CSGALNACT1: variants seen among roughly 807,000 people sequenced by gnomAD.
CSGALNACT1 encodes beta4GalNAcT-1.
Under a neutral mutation model 51.0 loss-of-function variants are expected in CSGALNACT1, and 52 were observed. The ratio of observed to expected loss-of-function variants is 1.02; its 90% CI spans 0.82 to 1.29. The LOEUF is 1.29. Among genes scored for constraint, CSGALNACT1 ranks in the 50% most tolerant of loss-of-function variants. The probability of loss-of-function intolerance (pLI) is 0.00; values close to 1 mark genes in which losing one functional copy is unlikely to be tolerated. For synonymous variants in CSGALNACT1, 341 were observed against 254.4 expected (o/e 1.34, Z -3.24); for missense variants, 935 against 679.2 (o/e 1.38, Z -4.19).
intron 1 of CSGALNACT1, among the ~76,000 whole-genome samples, chr8:19,739,264 A>T (rs2064165740): frequency 6.6e-6 from 1 of 152,022 alleles, no homozygotes; most frequent in South Asian, 2.1e-4. Context: ...GTGATTCAGA[A>T]AATAGAACGT....
Position 19,423,677 on chromosome 8 carries a change from C to T in CSGALNACT1, c.954-3159G>A, listed in dbSNP as rs143713250. 1.9e-3 allele frequency among the ~76,000 whole-genome samples: 294 copies of T among 152,086 alleles called. 2 individuals are homozygous for T. Among genetic ancestry groups the T allele is most frequent in the African/African-American group, 6.8e-3 (282 of 41,470 alleles). ...TTTTTTAAGCCTTAAAATGTAAATC[C>T]CTATGCTTCCATGATGTGTTGCTTC... On this transcript the variant is annotated intron_variant, in intron 6 of 9. Coordinates refer to ENST00000454498, the Ensembl canonical transcript of CSGALNACT1.
chr8:19,737,089 T>C (rs922101757), intron 1 of CSGALNACT1, among the ~76,000 whole-genome samples: 1 of 152,170 alleles, frequency 6.6e-6, no homozygotes, highest in African/African-American at 2.4e-5. Flanking sequence ...TTAAATACTA[T>C]ATTTTAAGTA....
intron 3 of CSGALNACT1, among the ~76,000 whole-genome samples, chr8:19,562,448 C>T (rs1210034662): frequency 6.7e-6 from 1 of 149,318 alleles, no homozygotes; most frequent in African/African-American, 2.5e-5. Flanking sequence ...AAAGCAAAAA[C>T]TGACAAATGG....
At chr8:19,619,420 G>T (rs987572197) in intron 1 of CSGALNACT1, among the ~76,000 whole-genome samples, 1 of 152,100 alleles carries the variant, frequency 6.6e-6, no homozygotes. Flanking sequence ...CATGTCCTAA[G>T]TGCAATGGAG....
intron 6 of CSGALNACT1, among the ~76,000 whole-genome samples, chr8:19,435,462 C>T (rs2060238744): frequency 6.7e-6 from 1 of 148,680 alleles, no homozygotes; most frequent in Admixed American, 6.7e-5. Flanking sequence ...CACTGCACTC[C>T]AGCCTGGTAA....
At chr8:19,690,560 AT>A (rs1396443885) in intron 1 of CSGALNACT1, among the ~76,000 whole-genome samples, 1 of 152,184 alleles carries the variant, frequency 6.6e-6, no homozygotes, top group Admixed American at 6.5e-5. Flanking sequence ...TATAAAACAG[AT>A]TTTTTTCCTC....
chr8:19,708,827 C>T (rs1486154620), intron 1 of CSGALNACT1, among the ~76,000 whole-genome samples: 4 of 152,224 alleles, frequency 2.6e-5, no homozygotes, highest in African/African-American at 9.6e-5. Context: ...GGTGAGTGCT[C>T]CCTATTCCTG....
At chr8:19,429,633 G>T (rs1225744088) in intron 6 of CSGALNACT1, among the ~76,000 whole-genome samples, 1 of 152,228 alleles carries the variant, frequency 6.6e-6, no homozygotes, top group Admixed American at 6.5e-5. Context: ...TCAGCTGATA[G>T]ATATTTGAGT....
exon 2 of CSGALNACT1, chr8:19,601,784 A>C (rs1359177237): frequency 2.2e-6 from 1 of 453,612 alleles, no homozygotes; most frequent in Non-Finnish European, 4.4e-6. Context: ...GGGGTTCAAG[A>C]AGGGAAGGTT....
chr8:19,671,816 G>A (rs756687360), intron 1 of CSGALNACT1, among the ~76,000 whole-genome samples: 4 of 152,080 alleles, frequency 2.6e-5, no homozygotes, highest in Non-Finnish European at 4.4e-5. Flanking sequence ...AGATCCTACT[G>A]TTTTATTGGC....
intron 3 of CSGALNACT1, among the ~76,000 whole-genome samples, chr8:19,511,787 A>G (rs1343572830): frequency 6.6e-6 from 1 of 152,242 alleles, no homozygotes; most frequent in Non-Finnish European, 1.5e-5. Context: ...ATTGACTCAC[A>G]GTTCCACAGC....
intron 3 of CSGALNACT1, among the ~76,000 whole-genome samples, chr8:19,558,452 G>A (rs757080457): frequency 1.3e-4 from 20 of 152,158 alleles, no homozygotes; most frequent in Admixed American, 5.2e-4. Flanking sequence ...AGTTGAGAAA[G>A]TTATACTATT....
At chr8:19,433,089 G>A (rs1298673251) in intron 6 of CSGALNACT1, among the ~76,000 whole-genome samples, 2 of 151,958 alleles carry the variant, frequency 1.3e-5, no homozygotes, top group East Asian at 3.9e-4. Context: ...GTTTTTTGTT[G>A]TTTGTTTAGT....
At chr8:19,688,706 C>G (rs1028468001) in intron 1 of CSGALNACT1, 4 of 152,198 alleles carry the variant, frequency 2.6e-5, no homozygotes, top group Non-Finnish European at 5.9e-5. Context: ...GTATCCTTCT[C>G]CCTCTTTCCT....
upstream of CSGALNACT1, among the ~76,000 whole-genome samples, chr8:19,605,818 GC>G (rs2154148545): frequency 6.6e-6 from 1 of 152,280 alleles, no homozygotes; most frequent in South Asian, 2.1e-4. Context: ...GTTAAAAGAA[GC>G]CTACCAAAAA....
At chr8:19,452,431 A>AG (rs56921815) in intron 5 of CSGALNACT1, among the ~76,000 whole-genome samples, 7 of 130,738 alleles carry the variant, frequency 5.4e-5, no homozygotes, top group Non-Finnish European at 1.0e-4. Context: ...AAAAAAAAAA[A>AG]GCAGGGAAGG....
chr8:19,600,851 A>T (rs372956533), intron 2 of CSGALNACT1, among the ~76,000 whole-genome samples: 1 of 151,518 alleles, frequency 6.6e-6, no homozygotes, highest in Middle Eastern at 3.4e-3. Context: ...AAGCAAAACC[A>T]TCAAGCAAAC....
At chr8:19,503,660 A>G (rs2076800017) in intron 4 of CSGALNACT1, among the ~76,000 whole-genome samples, 1 of 152,168 alleles carries the variant, frequency 6.6e-6, no homozygotes, top group Non-Finnish European at 1.5e-5. Context: ...GTAAAGTACT[A>G]TAAAATGTGA....
At chr8:19,575,583 CA>C (rs1216734146) in intron 3 of CSGALNACT1, among the ~76,000 whole-genome samples, 1 of 152,160 alleles carries the variant, frequency 6.6e-6, no homozygotes, top group Admixed American at 6.5e-5. Context: ...TAAAACAAAA[CA>C]AAACAAAACC....
Sources: allele counts gnomAD v4.1 joint callset (sites outside exome capture counted in the v4.1 genomes callset), GRCh38; gene constraint gnomAD v4.1.1; transcripts MANE v1.5; gene names NCBI Gene and HGNC (gene_info 2026-07-23, HGNC 2026-07-21).